Variants in DENND1B observed in about 807,000 individuals in gnomAD.
DENND1B encodes DENN domain containing 1B.
Under a neutral mutation model 90.1 loss-of-function variants are expected in DENND1B, and 59 were observed. The observed-to-expected ratio is 0.65, with a 90% CI of 0.53 to 0.81. The LOEUF (loss-of-function observed/expected upper bound fraction) is 0.81. Ranked by LOEUF, DENND1B falls within the 40% of genes least tolerant of loss-of-function variation. The probability of loss-of-function intolerance (pLI) is 0.00; values close to 1 mark genes in which losing one functional copy is unlikely to be tolerated. For missense variants in DENND1B, 862 were observed against 912.6 expected (o/e 0.94, Z 0.71); for synonymous variants, 337 against 324.6 (o/e 1.04, Z -0.41).
intron 5 of DENND1B, among the ~76,000 whole-genome samples, chr1:197,659,376 TA>T (rs1253737382): frequency 6.6e-6 from 1 of 151,872 alleles, no homozygotes; most frequent in Non-Finnish European, 1.5e-5. Context: ...AAAGTAGTAA[TA>T]AAAGAGGAAT....
At chr1:197,771,762 A>G (rs746999823) in intron 2 of DENND1B, among the ~76,000 whole-genome samples, 17 of 152,358 alleles carry the variant, frequency 1.1e-4, no homozygotes, top group Middle Eastern at 3.4e-3. Flanking sequence ...CGAAACCCCT[A>G]TGCTTAATCA....
At chr1:197,739,424 A>C (rs1221060791) in intron 2 of DENND1B, among the ~76,000 whole-genome samples, 1 of 152,254 alleles carries the variant, frequency 6.6e-6, no homozygotes, top group African/African-American at 2.4e-5. Flanking sequence ...AAAAGGATTC[A>C]AGCCATACCA....
At chr1:197,672,674 T>G (rs190053585) in intron 4 of DENND1B, among the ~76,000 whole-genome samples, 23 of 152,118 alleles carry the variant, frequency 1.5e-4, no homozygotes, top group Admixed American at 1.4e-3. Flanking sequence ...CTTGTTATAT[T>G]TTTTCTAGAA....
At chr1:197,735,765 G>T in intron 2 of DENND1B, 1 of 1,611,736 alleles carries the variant, frequency 6.2e-7, no homozygotes, top group South Asian at 1.1e-5. Context: ...CTTTTCCAGG[G>T]GGAATCCTCG....
intron 2 of DENND1B, among the ~76,000 whole-genome samples, chr1:197,716,617 A>C (rs1660671573): frequency 6.6e-6 from 1 of 151,910 alleles, no homozygotes; most frequent in African/African-American, 2.4e-5. Flanking sequence ...CATATGACAG[A>C]GTTTTCATAA....
At chr1:197,648,080 G>C (rs1469568702) in intron 7 of DENND1B, among the ~76,000 whole-genome samples, 1 of 152,012 alleles carries the variant, frequency 6.6e-6, no homozygotes, top group Non-Finnish European at 1.5e-5. Flanking sequence ...ACAGAACACA[G>C]CCACTCAAAT....
intron 5 of DENND1B, 152 bp from the exon 6 acceptor site, chr1:197,658,521 T>C: frequency 1.9e-6 from 1 of 522,712 alleles, no homozygotes; most frequent in Non-Finnish European, 3.4e-6. Context: ...AGCAAAGTTT[T>C]ACATATTATT....
chr1:197,515,770 T>C (rs369604687), intron 20 of DENND1B, among the ~76,000 whole-genome samples: 1 of 151,798 alleles, frequency 6.6e-6, no homozygotes, highest in Non-Finnish European at 1.5e-5. Flanking sequence ...CTAAGTCTAA[T>C]GGACCCTACA....
chr1:197,781,842 A>G, the DENND1B span, among the ~76,000 whole-genome samples: 2 of 152,222 alleles, frequency 1.3e-5, no homozygotes, highest in Admixed American at 6.5e-5. Context: ...CTAAAATTCA[A>G]TGGGTCGATG....
At chr1:197,613,938 T>C (rs1338994239) in intron 11 of DENND1B, among the ~76,000 whole-genome samples, 1 of 151,006 alleles carries the variant, frequency 6.6e-6, no homozygotes. Flanking sequence ...ACTAAGTCCA[T>C]TTTACAAATG....
intron 10 of DENND1B, among the ~76,000 whole-genome samples, chr1:197,626,164 A>G (rs1483167731): frequency 2.0e-4 from 30 of 152,094 alleles, no homozygotes; most frequent in Admixed American, 1.7e-3. Context: ...GCTCTGCACC[A>G]AGCAGACCTA....
chr1:197,657,917 G>T (rs989924907), intron 6 of DENND1B, among the ~76,000 whole-genome samples: 1 of 152,064 alleles, frequency 6.6e-6, no homozygotes, highest in Non-Finnish European at 1.5e-5. Context: ...GTCTTAAAAA[G>T]AAAAAAATTC....
intron 15 of DENND1B, among the ~76,000 whole-genome samples, chr1:197,575,752 A>G (rs1043811329): frequency 1.3e-5 from 2 of 152,248 alleles, no homozygotes; most frequent in African/African-American, 2.4e-5. Context: ...CTATGCAGCC[A>G]TAAAAAAGGA....
intron 10 of DENND1B, 113 bp downstream of exon 10, chr1:197,642,598 T>C (rs966717723): frequency 3.1e-6 from 2 of 640,442 alleles, no homozygotes; most frequent in East Asian, 3.0e-5. Flanking sequence ...CAAAAACGTA[T>C]GTAGATATTG....
intron 14 of DENND1B, among the ~76,000 whole-genome samples, chr1:197,590,240 C>CT (rs1454527636): frequency 1.3e-5 from 2 of 151,910 alleles, no homozygotes; most frequent in Admixed American, 6.6e-5. Context: ...AGCATCATTA[C>CT]TTTTTTTTAA....
intron 2 of DENND1B, among the ~76,000 whole-genome samples, chr1:197,770,987 C>T (rs1381792047): frequency 2.7e-5 from 4 of 149,722 alleles, no homozygotes; most frequent in Non-Finnish European, 5.9e-5. Flanking sequence ...TCTCGGCGCA[C>T]TGCAACCTCC....
chr1:197,700,961 C>G (rs1658963501), intron 3 of DENND1B, among the ~76,000 whole-genome samples: 1 of 152,026 alleles, frequency 6.6e-6, no homozygotes, highest in Non-Finnish European at 1.5e-5. Flanking sequence ...TGTGGAGAAA[C>G]AGGAATGCTT....
intron 12 of DENND1B, among the ~76,000 whole-genome samples, chr1:197,608,476 A>T (rs1035320): frequency 6.6e-6 from 1 of 150,560 alleles, no homozygotes; most frequent in African/African-American, 2.4e-5. Flanking sequence ...AAAGCTTTAA[A>T]TACATATATG....
chr1:197,639,106 C>A (rs56774493), intron 10 of DENND1B, among the ~76,000 whole-genome samples: 2,495 of 151,684 alleles, frequency 0.016, 71 homozygotes, highest in African/African-American at 0.057. Flanking sequence ...CTCTGTCACC[C>A]AGGCTGGAGT....
Sources: allele counts gnomAD v4.1 joint callset (sites outside exome capture counted in the v4.1 genomes callset), GRCh38; gene constraint gnomAD v4.1.1; transcripts MANE v1.5; gene names NCBI Gene and HGNC (gene_info 2026-07-23, HGNC 2026-07-21).